The following ZNF121 variants were observed in gnomAD, a reference collection of about 807,000 sequenced individuals.
ZNF121 encodes the protein zinc finger protein 121 (clone ZHC32).
Under a neutral mutation model 2.4 loss-of-function variants are expected in ZNF121, and 1 was observed. The observed-to-expected ratio is 0.41, with a 90% CI of 0.15 to 1.94. The LOEUF (loss-of-function observed/expected upper bound fraction) is 1.94. ZNF121 is among the 30% of genes most tolerant of loss of function. ZNF121 has a pLI of 0.30. For missense variants in ZNF121, 369 were observed against 466.3 expected (o/e 0.79, Z 1.92); for synonymous variants, 173 against 158.6 (o/e 1.09, Z -0.68).
chr19:9,579,657 C>T (rs2074235333), intron 1 of ZNF121, among the ~76,000 whole-genome samples: 1 of 152,048 alleles, frequency 6.6e-6, no homozygotes, highest in Non-Finnish European at 1.5e-5. Flanking sequence ...AACAGTGAGA[C>T]TCCGTCTCTA....
intron 1 of ZNF121, among the ~76,000 whole-genome samples, chr19:9,579,557 C>T (rs1038978409): frequency 1.3e-5 from 2 of 152,122 alleles, no homozygotes; most frequent in African/African-American, 2.4e-5. Context: ...TTGTGGCGTG[C>T]GCCTGTAGTC....
At chr19:9,575,432 A>T (rs1040506231) in intron 1 of ZNF121, among the ~76,000 whole-genome samples, 6 of 151,452 alleles carry the variant, frequency 4.0e-5, no homozygotes, top group African/African-American at 1.5e-4. Flanking sequence ...CAAAAAAACA[A>T]AAACAAAAAG....
At chr19:9,574,832 A>G (rs1350726074) in intron 1 of ZNF121, among the ~76,000 whole-genome samples, 1 of 152,184 alleles carries the variant, frequency 6.6e-6, no homozygotes, top group African/African-American at 2.4e-5. Context: ...AAGTACATTG[A>G]TTTCTTTATT....
At position 9,562,473 on chromosome 19, in the gene ZNF121, T is replaced by G. The variant is rs2074106276; in HGVS notation, c.*3467A>C. On this transcript the variant is annotated 3_prime_UTR_variant, in exon 4 of 4. Coordinates refer to ENST00000320451, the MANE Select transcript of ZNF121 (RefSeq NM_001008727.5). ...GCCACCGTGCCCGGCTGCTCTGTGA[T>G]CTTTGATGTTCCTATTTTAATTGTT... 1 of 223,906 alleles carries G rather than the reference T, an allele frequency of 4.5e-6. No homozygotes were observed. The highest frequency in any genetic ancestry group is 2.3e-5 in the African/African-American group (1 of 42,714). The allele number at this position is 223,906 out of a possible 1,614,324, so 13.9% of individuals were successfully genotyped here.
chr19:9,562,036 T>C lies in ZNF121; in HGVS notation c.*3904A>G, dbSNP rs1000462802. 1.1e-4 allele frequency: 16 copies of C among 152,196 alleles called. No homozygotes were observed. The highest frequency in any genetic ancestry group is 3.6e-4 in the African/African-American group (15 of 41,444). 9.4% of individuals were successfully genotyped at this position (152,196 alleles called of 1,614,324 possible). A position where few individuals can be genotyped will look rare whatever the true frequency, so the allele number is the denominator to read the frequency against. ...AAGTAGAAGTCCTGTGGCAATGTCA[T>C]GTCGAATAAATCTATAACACCATTT... is the stretch of plus-strand genomic sequence containing the variant. On this transcript the variant is annotated 3_prime_UTR_variant, in exon 4 of 4. Transcript: ENST00000320451.
At position 9,562,426 on chromosome 19, in the gene ZNF121, G is replaced by T. The variant is rs1320269694; in HGVS notation, c.*3514C>A. ...TGATTCACTCACCTCAGCCTCTCAA[G>T]GTGCTGGGATTACAGGTGTGAGCCA... On this transcript the variant is annotated 3_prime_UTR_variant, in exon 4 of 4. Transcript: ENST00000320451. 3 of 300,486 alleles carry T rather than the reference G, an allele frequency of 1.0e-5. No homozygotes were observed. Among genetic ancestry groups the T allele is most frequent in the African/African-American group, 6.6e-5 (3 of 45,202 alleles). 18.6% of individuals were successfully genotyped at this position (300,486 alleles called of 1,614,324 possible).
At chr19:9,579,375 G>A (rs1323841049) in intron 1 of ZNF121, among the ~76,000 whole-genome samples, 1 of 152,064 alleles carries the variant, frequency 6.6e-6, no homozygotes, top group Non-Finnish European at 1.5e-5. Context: ...AGGAAGACCT[G>A]TCTGCACACA....
At chr19:9,576,158 T>A (rs1293611544) in intron 1 of ZNF121, among the ~76,000 whole-genome samples, 1 of 152,184 alleles carries the variant, frequency 6.6e-6, no homozygotes, top group African/African-American at 2.4e-5. Flanking sequence ...TCATCTTTTC[T>A]GACCACAAGG....
At chr19:9,578,980 CAAA>C (rs746310089) in intron 1 of ZNF121, among the ~76,000 whole-genome samples, 20,570 of 85,896 alleles carry the variant, frequency 0.24, 2,111 homozygotes, top group African/African-American at 0.4. Context: ...AACTTGATAG[CAAA>C]AAAAAAAAAA....
intron 1 of ZNF121, among the ~76,000 whole-genome samples, chr19:9,575,687 G>A (rs1253086569): frequency 6.7e-6 from 1 of 150,156 alleles, no homozygotes; most frequent in African/African-American, 2.5e-5. Flanking sequence ...AGGTTGCAGT[G>A]AGCTGAGATC....
At chr19:9,577,016 C>T (rs181382801) in intron 1 of ZNF121, among the ~76,000 whole-genome samples, 2 of 152,200 alleles carry the variant, frequency 1.3e-5, no homozygotes, top group Non-Finnish European at 2.9e-5. Context: ...CTAAATCCTA[C>T]CAAAAACTGA....
chr19:9,572,922 G>A (rs897469471), intron 1 of ZNF121, among the ~76,000 whole-genome samples: 1 of 152,126 alleles, frequency 6.6e-6, no homozygotes, highest in African/African-American at 2.4e-5. Context: ...GGCTGAGGTG[G>A]GAGGATTGCT....
At chr19:9,574,848 T>G (rs948258226) in intron 1 of ZNF121, among the ~76,000 whole-genome samples, 2 of 152,202 alleles carry the variant, frequency 1.3e-5, no homozygotes, top group African/African-American at 4.8e-5. Flanking sequence ...TTATTACAGC[T>G]AGCAGATATT....
chr19:9,562,431 TG>T lies in ZNF121; in HGVS notation c.*3508del. 3.3e-6 allele frequency: 1 copy of T among 301,374 alleles called. No individual in the cohort carries two copies. Among genetic ancestry groups the T allele is most frequent in the Non-Finnish European group, 7.4e-6 (1 of 135,768 alleles). 18.7% of individuals were successfully genotyped at this position (301,374 alleles called of 1,614,324 possible). On this transcript the variant is annotated 3_prime_UTR_variant, in exon 4 of 4. Transcript: ENST00000320451. Reference sequence around the variant, plus strand: ...CACTCACCTCAGCCTCTCAAGGTGCTGGGATTACAGGTGTGAGCCACCGTGC... The same window carrying T: ...CACTCACCTCAGCCTCTCAAGGTGCTGGATTACAGGTGTGAGCCACCGTGC...
At chr19:9,567,358 G>A (rs1385174231) in intron 3 of ZNF121, among the ~76,000 whole-genome samples, 2 of 152,150 alleles carry the variant, frequency 1.3e-5, no homozygotes, top group Admixed American at 6.6e-5. Flanking sequence ...TTATAATCTA[G>A]CTACATATGT....
At chr19:9,580,610 C>T (rs935952963) in intron 1 of ZNF121, among the ~76,000 whole-genome samples, 10 of 152,288 alleles carry the variant, frequency 6.6e-5, no homozygotes, top group African/African-American at 2.2e-4. Context: ...TGTGCTTTAA[C>T]GCCCCACACA....
In ZNF121 at chr19:9,561,450, A is replaced by T. The variant is rs929175379; in HGVS notation, c.*4490T>A. The stretch of plus-strand genomic sequence containing the variant: ...TGAATCTGGAAAAATATGTGCATCA[A>T]ATTTACAGTAGCTAACTACACCCCA... On this transcript the variant is annotated 3_prime_UTR_variant, in exon 4 of 4. Coordinates refer to ENST00000320451, the MANE Select transcript of ZNF121 (RefSeq NM_001008727.5). 3.9e-5 allele frequency: 6 copies of T among 152,220 alleles called. No homozygotes were observed. Among genetic ancestry groups the T allele is most frequent in the African/African-American group, 1.4e-4 (6 of 41,458 alleles). The allele number at this position is 152,220 out of a possible 1,614,324, so 9.4% of individuals were successfully genotyped here. A position where few individuals can be genotyped will look rare whatever the true frequency, so the allele number is the denominator to read the frequency against.
At position 9,566,595 on chromosome 19, in the gene ZNF121, T is replaced by C; in HGVS notation, c.518A>G (p.Glu173Gly). The C allele has an allele frequency of 6.2e-7, 1 of 1,614,224 alleles. No individual in the cohort carries two copies. Among genetic ancestry groups the C allele is most frequent in the South Asian group, 1.1e-5 (1 of 91,084 alleles). Reference sequence around the variant, plus strand: ...GAAGCATTTCCCACATTCCTTACATTCATAGGGTTTCTCCCCAGTATGGGT... The same window carrying C: ...GAAGCATTTCCCACATTCCTTACATCCATAGGGTTTCTCCCCAGTATGGGT... ...MRTHTGEKPY[E>G]CKECGKCFTV... The change falls in exon 4 of 4, where the codon GAA becomes GGA. Residue 173 changes from glutamate (E) to glycine (G), a missense_variant. Glu to Gly is a moderately conservative substitution (Grantham distance 98, BLOSUM62 -2). Transcript: ENST00000320451.
chr19:9,569,763 C>A (rs138261116), intron 1 of ZNF121, among the ~76,000 whole-genome samples: 1,736 of 151,050 alleles, frequency 0.011, 40 homozygotes, highest in African/African-American at 0.04. Flanking sequence ...GAACTCCCGA[C>A]CTCAGGTGAT....
Sources: gnomAD v4.1 joint callset for allele counts (sites outside exome capture counted in the v4.1 genomes callset) on GRCh38, gnomAD v4.1.1 for gene constraint, MANE v1.5 for transcripts, NCBI Gene and HGNC (gene_info 2026-07-23, HGNC 2026-07-21) for gene names.